TMEM100: variants seen among roughly 807,000 people sequenced by gnomAD.
The protein encoded by TMEM100 is transmembrane protein 100.
For missense variants in TMEM100, 137 were observed against 168.2 expected, an observed-to-expected ratio of 0.81 and a Z score of 1.02; for synonymous variants, 61 against 67.1, an observed-to-expected ratio of 0.91 and a Z score of 0.44.
chr17:55,725,886 C>T (rs1229335294), upstream of TMEM100, among the ~76,000 whole-genome samples: 1 of 152,160 alleles, frequency 6.6e-6, no homozygotes, highest in Non-Finnish European at 1.5e-5. Flanking sequence ...GATGCTCTCC[C>T]TCTGTGAATC....
At chr17:55,721,267 T>C (rs1478013192) in intron 1 of TMEM100, 132 bp from the exon 2 acceptor site, 1 of 588,926 alleles carries the variant, frequency 1.7e-6, no homozygotes, top group Admixed American at 3.6e-5. Context: ...ACTCTTTTTT[T>C]GAATTGGTTG....
chr17:55,729,835 C>CT (rs925421552), intron 1 of TMEM100, among the ~76,000 whole-genome samples: 5 of 152,068 alleles, frequency 3.3e-5, no homozygotes, highest in Non-Finnish European at 5.9e-5. Flanking sequence ...CTATGCAATT[C>CT]TTTTTTACAG....
chr17:55,728,507 T>C (rs1169182473), intron 1 of TMEM100, among the ~76,000 whole-genome samples: 2 of 152,194 alleles, frequency 1.3e-5, no homozygotes, highest in Non-Finnish European at 2.9e-5. Context: ...ACCTGCGGAA[T>C]CCGTGGAAGA....
intron 1 of TMEM100, among the ~76,000 whole-genome samples, chr17:55,729,778 T>C (rs1909158211): frequency 6.6e-6 from 1 of 152,236 alleles, no homozygotes; most frequent in African/African-American, 2.4e-5. Flanking sequence ...GCAAAGAATT[T>C]ATTGATGATA....
intron 1 of TMEM100, among the ~76,000 whole-genome samples, chr17:55,728,136 C>G (rs1909117999): frequency 6.6e-6 from 1 of 152,226 alleles, no homozygotes; most frequent in Non-Finnish European, 1.5e-5. Context: ...ACACAAGCAT[C>G]TAACATGTAC....
upstream of TMEM100, among the ~76,000 whole-genome samples, chr17:55,727,292 C>T (rs1242402711): frequency 6.6e-6 from 1 of 152,176 alleles, no homozygotes; most frequent in Non-Finnish European, 1.5e-5. Context: ...CTTTGGAGGC[C>T]AAAGATGAGG....
At chr17:55,726,241 G>A (rs1347186947), upstream of TMEM100, among the ~76,000 whole-genome samples, 1 of 152,166 alleles carries the variant, frequency 6.6e-6, no homozygotes, top group African/African-American at 2.4e-5. Flanking sequence ...CTGTTCCAGA[G>A]AGAATGCCCC....
chr17:55,722,743 A>C lies in TMEM100; in HGVS notation c.-190T>G, dbSNP rs189832557. The C allele has an allele frequency of 3.3e-5, 5 of 152,302 alleles. No individual in the cohort carries two copies. The East Asian group carries it at 9.7e-4, about 29-fold the overall frequency. 9.4% of individuals were successfully genotyped at this position (152,302 alleles called of 1,614,324 possible). A position where few individuals can be genotyped will look rare whatever the true frequency, so the allele number is the denominator to read the frequency against. ...CTAACAGCAAGGCTGTCAATAAAAC[A>C]ATAGGTTAGGGATCTCTTCTGGGGA... On this transcript the variant is annotated 5_prime_UTR_variant, in exon 1 of 2. It adds an upstream start codon to the 5' untranslated region. Coordinates refer to ENST00000424486, the MANE Select transcript of TMEM100 (RefSeq NM_018286.3).
rs979425836 is a variant in TMEM100, at chr17:55,722,800, G to T, written c.-247C>A. On this transcript the variant is annotated 5_prime_UTR_variant, in exon 1 of 2. Transcript: ENST00000424486. ...AAGATGTAAAAATACTTTACTATAG[G>T]GTCTGCTCTGGTTTGGGATCCTGGA... 1.3e-5 allele frequency: 2 copies of T among 152,210 alleles called. No homozygotes were observed. Among genetic ancestry groups the T allele is most frequent in the Non-Finnish European group, 2.9e-5 (2 of 68,082 alleles). 9.4% of individuals were successfully genotyped at this position (152,210 alleles called of 1,614,324 possible).
chr17:55,730,290 A>G lies in TMEM100; in HGVS notation c.-359+1381T>C, dbSNP rs76249235. Among the ~76,000 whole-genome samples the G allele has an allele frequency of 9.3e-3, 1,420 of 152,338 alleles. 7 individuals carry two copies. The highest frequency in any genetic ancestry group is 0.034 in the Middle Eastern group (10 of 294). Reference sequence around the variant, plus strand: ...AATCGGATGTAAATTTAAAACTTAGATAATTATTTAAATGGATTATTTTAA... The same window carrying G: ...AATCGGATGTAAATTTAAAACTTAGGTAATTATTTAAATGGATTATTTTAA... On this transcript the variant is annotated intron_variant, in intron 1 of 3. Transcript: ENST00000575734.
intron 1 of TMEM100, among the ~76,000 whole-genome samples, chr17:55,722,076 CCTTT>C (rs1908910768): frequency 6.6e-6 from 1 of 152,104 alleles, no homozygotes; most frequent in South Asian, 2.1e-4. Flanking sequence ...CTGCAATGAC[CCTTT>C]CTAAGTATTT....
intron 1 of TMEM100, among the ~76,000 whole-genome samples, chr17:55,731,229 C>T (rs779296822): frequency 7.2e-5 from 11 of 152,200 alleles, no homozygotes; most frequent in Non-Finnish European, 1.3e-4. Context: ...CTTTACAGCA[C>T]TGATAGGGCT....
chr17:55,729,045 C>T (rs377480867), intron 1 of TMEM100, among the ~76,000 whole-genome samples: 10 of 152,342 alleles, frequency 6.6e-5, no homozygotes, highest in East Asian at 5.8e-4. Context: ...GTCGGATTAT[C>T]GCCTCGATGG....
At chr17:55,724,018 TAGTTAAA>T (rs1431548771), upstream of TMEM100, among the ~76,000 whole-genome samples, 1 of 152,202 alleles carries the variant, frequency 6.6e-6, no homozygotes, top group African/African-American at 2.4e-5. Flanking sequence ...CTACACTCTG[TAGTTAAA>T]AGTTTACATC....
At chr17:55,725,699 ATATGTGTGTGTG>A (rs1468823747), upstream of TMEM100, among the ~76,000 whole-genome samples, 274 of 88,534 alleles carry the variant, frequency 3.1e-3, no homozygotes, top group African/African-American at 0.01. Flanking sequence ...TAACCCATAT[ATATGTGTGTGTG>A]TGTGTGTGTG....
At chr17:55,728,498 C>T (rs1169135275) in intron 1 of TMEM100, among the ~76,000 whole-genome samples, 1 of 152,174 alleles carries the variant, frequency 6.6e-6, no homozygotes, top group Non-Finnish European at 1.5e-5. Context: ...AGGCCTGGTA[C>T]CTGCGGAATC....
upstream of TMEM100, among the ~76,000 whole-genome samples, chr17:55,724,525 C>T (rs573799470): frequency 2.6e-4 from 40 of 152,210 alleles, 3 homozygotes; most frequent in South Asian, 6.2e-3. Flanking sequence ...CAAAGTTGCC[C>T]CCGGAAGATG....
chr17:55,731,230 T>A (rs1909198132), intron 1 of TMEM100, among the ~76,000 whole-genome samples: 1 of 152,240 alleles, frequency 6.6e-6, no homozygotes, highest in Admixed American at 6.5e-5. Flanking sequence ...TTTACAGCAC[T>A]GATAGGGCTT....
At chr17:55,724,595 C>T (rs1909014103), upstream of TMEM100, among the ~76,000 whole-genome samples, 1 of 152,206 alleles carries the variant, frequency 6.6e-6, no homozygotes, top group African/African-American at 2.4e-5. Context: ...CTTAACAGAG[C>T]TGTCTTCTCA....
Sources: allele counts gnomAD v4.1 joint callset (sites outside exome capture counted in the v4.1 genomes callset), GRCh38; gene constraint gnomAD v4.1.1; transcripts MANE v1.5; gene names NCBI Gene and HGNC (gene_info 2026-07-23, HGNC 2026-07-21).